LRRC63: variants seen among roughly 807,000 people sequenced by gnomAD.
The protein encoded by LRRC63 is leucine rich repeat containing 63, also known as leucine-rich repeat-containing protein 63.
A neutral mutation model predicts 49.5 loss-of-function variants in LRRC63; 40 were observed. The observed-to-expected ratio is 0.81, with a 90% CI of 0.63 to 1.05. The LOEUF (loss-of-function observed/expected upper bound fraction) is 1.05, where lower values mean the gene tolerates loss of function less well. Among genes scored for constraint, LRRC63 ranks in the 50% least tolerant of loss-of-function variants. LRRC63 has a pLI of 0.00. For missense variants in LRRC63, 636 were observed against 663.1 expected (o/e 0.96, Z 0.45); for synonymous variants, 191 against 221.1 (o/e 0.86, Z 1.21).
At chr13:46,249,003 A>G (rs549326182) in intron 6 of LRRC63, among the ~76,000 whole-genome samples, 3 of 151,922 alleles carry the variant, frequency 2.0e-5, no homozygotes, top group Non-Finnish European at 4.4e-5. Flanking sequence ...GGAAATTCAC[A>G]AATATATGGA....
At chr13:46,274,452 G>C (rs905273402) in intron 9 of LRRC63, among the ~76,000 whole-genome samples, 9 of 152,168 alleles carry the variant, frequency 5.9e-5, no homozygotes, top group Non-Finnish European at 1.3e-4. Flanking sequence ...TCAGCTGTAG[G>C]CTTGCACTAA....
intron 7 of LRRC63, among the ~76,000 whole-genome samples, chr13:46,258,617 G>C (rs2047560991): frequency 6.7e-6 from 1 of 150,268 alleles, no homozygotes; most frequent in South Asian, 2.1e-4. Context: ...AGACCATCCT[G>C]GCCAACATGG....
At chr13:46,267,384 C>G (rs1247875184) in intron 9 of LRRC63, among the ~76,000 whole-genome samples, 1 of 152,208 alleles carries the variant, frequency 6.6e-6, no homozygotes, top group Non-Finnish European at 1.5e-5. Context: ...TAACCTCCCT[C>G]AGGGTATCAA....
At chr13:46,239,491 A>G (rs1185940162) in intron 5 of LRRC63, among the ~76,000 whole-genome samples, 3 of 152,338 alleles carry the variant, frequency 2.0e-5, no homozygotes, top group Admixed American at 1.3e-4. Context: ...TAAATCAGTA[A>G]TAAATAGCCC....
chr13:46,245,998 G>A (rs1254281621), intron 5 of LRRC63, among the ~76,000 whole-genome samples: 1 of 152,192 alleles, frequency 6.6e-6, no homozygotes, highest in Non-Finnish European at 1.5e-5. Context: ...GTGGGGCCTA[G>A]TGGGAGGTGA....
exon 3 of LRRC63, chr13:46,227,972 A>C (rs975748043): frequency 6.4e-7 from 1 of 1,550,946 alleles, no homozygotes; most frequent in Non-Finnish European, 8.7e-7. Context: ...AACCTTTACC[A>C]GAGAGTCCAG....
Position 46,220,799 on chromosome 13 carries a change from T to G in LRRC63, c.86-6713T>G, listed in dbSNP as rs115337632. On this transcript the variant is annotated intron_variant, in intron 2 of 9. Coordinates refer to ENST00000595396, the Ensembl canonical transcript of LRRC63. ...TGAAGAAGATGGGAAAAGCATAGTT[T>G]TTGGGTTGGAGTGCACCATTCCTCA... 6.3e-3 allele frequency among the ~76,000 whole-genome samples: 962 copies of G among 152,212 alleles called. 12 individuals carry two copies. The highest frequency in any genetic ancestry group is 0.02 in the African/African-American group (824 of 41,510).
At chr13:46,248,267 A>G (rs1326022742) in intron 6 of LRRC63, among the ~76,000 whole-genome samples, 1 of 152,052 alleles carries the variant, frequency 6.6e-6, no homozygotes. Flanking sequence ...TGTAAATCCA[A>G]TCATGTCAAT....
intron 9 of LRRC63, among the ~76,000 whole-genome samples, chr13:46,269,656 T>G (rs571554471): frequency 6.6e-6 from 1 of 151,888 alleles, no homozygotes; most frequent in African/African-American, 2.4e-5. Flanking sequence ...GCAAAAAATA[T>G]AAACAGTAAA....
intron 9 of LRRC63, 99 bp downstream of exon 9, chr13:46,267,071 A>G: frequency 9.0e-7 from 1 of 1,116,464 alleles, no homozygotes; most frequent in Non-Finnish European, 1.2e-6. Flanking sequence ...ACATGCACAC[A>G]TACTCCATGA....
intron 5 of LRRC63, among the ~76,000 whole-genome samples, chr13:46,240,126 C>CTTT (rs35181820): frequency 1.7e-5 from 2 of 120,872 alleles, no homozygotes; most frequent in Non-Finnish European, 3.4e-5. Context: ...CTCTCTTTTT[C>CTTT]TTTTTTTTTT....
intron 4 of LRRC63, among the ~76,000 whole-genome samples, chr13:46,232,006 G>A (rs536191380): frequency 6.6e-6 from 1 of 150,522 alleles, no homozygotes; most frequent in African/African-American, 2.4e-5. Flanking sequence ...TAGTAGAGAC[G>A]GGGTTTCACC....
chr13:46,273,426 C>A (rs2047786325), intron 9 of LRRC63, among the ~76,000 whole-genome samples: 1 of 151,744 alleles, frequency 6.6e-6, no homozygotes, highest in Non-Finnish European at 1.5e-5. Flanking sequence ...TGTGGTGAAA[C>A]CCTGTCTCTA....
chr13:46,250,126 T>TC (rs2047337462), intron 6 of LRRC63: 2 of 276,410 alleles, frequency 7.2e-6, no homozygotes, highest in Non-Finnish European at 1.4e-5. Flanking sequence ...CATTCTTGAG[T>TC]CAAGGGTGTA....
In LRRC63 at chr13:46,261,894, CTCTT is replaced by C. The variant is rs1441606947; in HGVS notation, c.1227-11_1227-8del. 2.3e-6 allele frequency: 2 copies of C among 860,848 alleles called. No homozygotes were observed. Among genetic ancestry groups the C allele is most frequent in the African/African-American group, 1.7e-5 (1 of 57,168 alleles). 53.3% of individuals were successfully genotyped at this position (860,848 alleles called of 1,614,324 possible). The stretch of plus-strand genomic sequence containing the variant: ...CATAATCATTTCTACAATTAATTTT[CTCTT>C]TCTATTTAAGGTTATTTTCCTTGTC... On this transcript the variant is annotated splice_polypyrimidine_tract_variant and intron_variant, in intron 7 of 9. Transcript: ENST00000595396.
intron 2 of LRRC63, among the ~76,000 whole-genome samples, chr13:46,217,363 A>G (rs2046281515): frequency 6.6e-6 from 1 of 152,160 alleles, no homozygotes; most frequent in African/African-American, 2.4e-5. Context: ...CCAGAAATTT[A>G]TCCATTTCTT....
intron 4 of LRRC63, among the ~76,000 whole-genome samples, chr13:46,231,695 A>AT (rs1414494712): frequency 6.6e-6 from 1 of 151,060 alleles, no homozygotes; most frequent in African/African-American, 2.4e-5. Context: ...TTTTTCATAG[A>AT]TACAGGGTTT....
chr13:46,235,597 T>C (rs1195760095), intron 5 of LRRC63, among the ~76,000 whole-genome samples: 1 of 152,106 alleles, frequency 6.6e-6, no homozygotes, highest in Non-Finnish European at 1.5e-5. Context: ...TTCCACTTTT[T>C]AACAAAAATT....
intron 9 of LRRC63, chr13:46,270,200 T>G (rs1316547968): frequency 4.9e-6 from 4 of 811,020 alleles, no homozygotes; most frequent in Non-Finnish European, 8.9e-6. Flanking sequence ...ACCACAGCAC[T>G]CTAACCGAAT....
Sources: allele counts gnomAD v4.1 joint callset (sites outside exome capture counted in the v4.1 genomes callset), GRCh38; gene constraint gnomAD v4.1.1; transcripts MANE v1.5; gene names NCBI Gene and HGNC (gene_info 2026-07-23, HGNC 2026-07-21).